Variants in PCDHA3 observed in about 807,000 individuals in gnomAD.
PCDHA3 encodes the protein protocadherin alpha-3.
In PCDHA3, 41 loss-of-function variants were observed where a neutral mutation model predicts 62.2. The observed-to-expected ratio is 0.66, with a 90% CI of 0.51 to 0.86. The LOEUF (loss-of-function observed/expected upper bound fraction) is 0.86. PCDHA3 is among the 40% of genes least tolerant of loss of function. The pLI is 0.00. For missense variants in PCDHA3, 1,304 were observed against 1,241.2 expected (o/e 1.05, Z -0.76); for synonymous variants, 640 against 555.4 (o/e 1.15, Z -2.14).
rs185620917 is a variant in PCDHA3 at position 140,854,335 on chromosome 5, G to A, written c.2394+50744G>A. The A allele has an allele frequency of 1.5e-4, 29 of 191,248 alleles. 1 individual carries two copies. Among genetic ancestry groups the A allele is most frequent in the Non-Finnish European group, 2.6e-4 (27 of 105,250 alleles). The allele number at this position is 191,248 out of a possible 1,614,324, so 11.8% of individuals were successfully genotyped here. ...TTGATCAATGGCAAACTTATTTTACGCTCCAGATAGCTAAAACAAACGTTG... is the reference window on the plus strand; with the variant it reads ...TTGATCAATGGCAAACTTATTTTACACTCCAGATAGCTAAAACAAACGTTG... On this transcript the variant is annotated intron_variant, in intron 1 of 3. Coordinates refer to ENST00000522353, the MANE Select transcript of PCDHA3 (RefSeq NM_018906.3).
intron 1 of PCDHA3, chr5:140,926,324 G>A (rs574950381): frequency 6.6e-6 from 1 of 152,268 alleles, no homozygotes; most frequent in Non-Finnish European, 1.5e-5. Flanking sequence ...GTGCGCCGGG[G>A]TCAGAGCGCC....
chr5:140,925,673 T>TAATAAA (rs2082657999), intron 1 of PCDHA3, among the ~76,000 whole-genome samples: 1 of 146,030 alleles, frequency 6.8e-6, no homozygotes, highest in Non-Finnish European at 1.5e-5. Context: ...ATAATAATAA[T>TAATAAA]AATAAAGCGA....
At chr5:140,858,660 TAAC>T in intron 1 of PCDHA3, 1 of 753,410 alleles carries the variant, frequency 1.3e-6, no homozygotes, top group East Asian at 2.7e-5. Flanking sequence ...TTTTTTTAAA[TAAC>T]AATTTATTCT....
chr5:140,806,783 T>G (rs59312872), intron 1 of PCDHA3: 8,433 of 197,180 alleles, frequency 0.043, 735 homozygotes, highest in African/African-American at 0.19. Flanking sequence ...AAACCTGTGT[T>G]GAAAAAATTA....
intron 1 of PCDHA3, among the ~76,000 whole-genome samples, chr5:140,910,531 C>G (rs2153515118): frequency 6.6e-6 from 1 of 152,310 alleles, no homozygotes; most frequent in Admixed American, 6.5e-5. Flanking sequence ...ACTCCCCTCA[C>G]AAATCTATTT....
At chr5:140,927,430 A>C (rs782761686) in intron 1 of PCDHA3, 4 of 1,614,152 alleles carry the variant, frequency 2.5e-6, no homozygotes, top group Non-Finnish European at 3.4e-6. Flanking sequence ...GGTTGACGGC[A>C]GCGAATACCC....
chr5:140,956,562 T>C (rs1395246956), intron 1 of PCDHA3, among the ~76,000 whole-genome samples: 1 of 152,212 alleles, frequency 6.6e-6, no homozygotes, highest in Non-Finnish European at 1.5e-5. Flanking sequence ...CAGTATCTTA[T>C]TGAGGATTTT....
At chr5:140,963,128 T>A (rs1283011021) in intron 1 of PCDHA3, among the ~76,000 whole-genome samples, 1 of 152,144 alleles carries the variant, frequency 6.6e-6, no homozygotes, top group African/African-American at 2.4e-5. Context: ...AGAGATAATA[T>A]TAAATTATTT....
intron 1 of PCDHA3, among the ~76,000 whole-genome samples, chr5:140,923,269 T>C (rs1554201320): frequency 6.6e-6 from 1 of 152,218 alleles, no homozygotes; most frequent in Non-Finnish European, 1.5e-5. Flanking sequence ...TGAGACCTTG[T>C]CTCTACAAAA....
chr5:140,833,536 G>C (rs188132068), intron 1 of PCDHA3, among the ~76,000 whole-genome samples: 1 of 152,138 alleles, frequency 6.6e-6, no homozygotes, highest in African/African-American at 2.4e-5. Flanking sequence ...ACAAGTGTTC[G>C]AAAGGATAGA....
At chr5:140,931,023 T>C (rs146623712) in intron 1 of PCDHA3, among the ~76,000 whole-genome samples, 1 of 152,322 alleles carries the variant, frequency 6.6e-6, no homozygotes, top group African/African-American at 2.4e-5. Context: ...AATTTTCTGA[T>C]TGTAGAGCTA....
rs2150236253 is a variant in PCDHA3, at chr5:140,835,458, A to G, written c.2394+31867A>G. 2.8e-5 allele frequency: 45 copies of G among 1,613,760 alleles called. No homozygotes were observed. Among genetic ancestry groups the G allele is most frequent in the East Asian group, 4.5e-5 (2 of 44,842 alleles). ...GACTCTCACTTCCCTGTCTCTCCCT[A>G]TTCCAGAGGACGCCCAACCAGGTAC... On this transcript the variant is annotated intron_variant, in intron 1 of 3. Transcript: ENST00000522353.
chr5:140,858,397 C>A, intron 1 of PCDHA3: 1 of 1,573,182 alleles, frequency 6.4e-7, no homozygotes, highest in Non-Finnish European at 8.7e-7. Flanking sequence ...TAGATGTGGA[C>A]GGGGAAGATC....
rs185216314 is a variant in PCDHA3, at chr5:140,968,202, A to G, written c.2395-10747A>G. On this transcript the variant is annotated intron_variant, in intron 1 of 3. Transcript: ENST00000522353. ...GAGGACTCCTATTCCATCTACATACAGGAGAACAATTTGCCAGGTGTGTTG... is the reference window on the plus strand; with the variant it reads ...GAGGACTCCTATTCCATCTACATACGGGAGAACAATTTGCCAGGTGTGTTG... The G allele has an allele frequency of 3.7e-5, 60 of 1,614,044 alleles. 1 individual carries two copies. The East Asian group carries it at 1.1e-3, about 29-fold the overall frequency.
chr5:140,824,236 A>G (rs1554129815), intron 1 of PCDHA3: 1 of 1,505,494 alleles, frequency 6.6e-7, no homozygotes, highest in Admixed American at 1.7e-5. Context: ...GTACACAAAT[A>G]TTGTGGTACA....
At chr5:140,861,738 T>C (rs1554155173) in intron 1 of PCDHA3, 1 of 160,806 alleles carries the variant, frequency 6.2e-6, no homozygotes, top group African/African-American at 2.5e-5. Context: ...ACTTACATAC[T>C]GTGCCGCAAT....
At chr5:140,935,520 G>A (rs1404556030) in intron 1 of PCDHA3, among the ~76,000 whole-genome samples, 1 of 152,154 alleles carries the variant, frequency 6.6e-6, no homozygotes, top group Non-Finnish European at 1.5e-5. Context: ...CAGTAGGCAT[G>A]TACAGTCAAA....
intron 1 of PCDHA3, among the ~76,000 whole-genome samples, chr5:140,952,915 G>GGCATGA (rs2094816103): frequency 6.6e-6 from 1 of 151,986 alleles, no homozygotes; most frequent in African/African-American, 2.4e-5. Flanking sequence ...CATCTTACAT[G>GGCATGA]GCATGAGCAG....
In PCDHA3 at chr5:140,842,635, C is replaced by T. The variant is rs1330338408; in HGVS notation, c.2394+39044C>T. 10 of 1,590,774 alleles carry T rather than the reference C, an allele frequency of 6.3e-6. 1 individual carries two copies. Among genetic ancestry groups the T allele is most frequent in the Non-Finnish European group, 8.6e-6 (10 of 1,163,124 alleles). ...GGGGCTCGCCTTCGCTGTGGGCCAC[C>T]GCCAGCTTGTCTGTGGAGGTGGCCG... On this transcript the variant is annotated intron_variant, in intron 1 of 3. Coordinates refer to ENST00000522353, the MANE Select transcript of PCDHA3 (RefSeq NM_018906.3).
Sources: gnomAD v4.1 joint callset for allele counts (sites outside exome capture counted in the v4.1 genomes callset) on GRCh38, gnomAD v4.1.1 for gene constraint, MANE v1.5 for transcripts, NCBI Gene and HGNC (gene_info 2026-07-23, HGNC 2026-07-21) for gene names.